Variants in UFC1 observed in about 807,000 individuals in gnomAD.
UFC1 encodes the protein ubiquitin-fold modifier conjugating enzyme 1, also known as ubiquitin-fold modifier-conjugating enzyme 1.
A neutral mutation model predicts 28.0 loss-of-function variants in UFC1; 22 were observed. That is an observed-to-expected ratio of 0.78 (90% CI 0.56 to 1.12). UFC1 has a LOEUF of 1.12. UFC1 is among the 50% of genes most tolerant of loss of function. The probability of loss-of-function intolerance (pLI) is 0.00; values close to 1 mark genes in which losing one functional copy is unlikely to be tolerated. For missense variants in UFC1, 189 were observed against 207.8 expected, an observed-to-expected ratio of 0.91 and a Z score of 0.56; for synonymous variants, 61 against 74.5, an observed-to-expected ratio of 0.82 and a Z score of 0.93.
chr1:161,158,269 C>A (rs1404069882), intron 5 of UFC1, 58 bp downstream of exon 5: 1 of 1,586,198 alleles, frequency 6.3e-7, no homozygotes, highest in African/African-American at 1.3e-5. Flanking sequence ...CTGAGCAGTA[C>A]AAGAAAAGCA....
intron 4 of UFC1, 33 bp downstream of exon 4, chr1:161,157,726 A>C (rs766265022): frequency 1.3e-6 from 2 of 1,592,972 alleles, no homozygotes; most frequent in East Asian, 4.5e-5. Context: ...AAAGAGTCAA[A>C]GAAAGCCTTA....
intron 3 of UFC1, 147 bp downstream of exon 3, chr1:161,157,464 T>C (rs1273725408): frequency 4.7e-6 from 6 of 1,277,366 alleles, no homozygotes; most frequent in Non-Finnish European, 6.7e-6. Flanking sequence ...ATAAGTTATA[T>C]TTACTCATCT....
chr1:161,158,504 A>G lies in UFC1; in HGVS notation c.*12A>G, dbSNP rs754709289. On this transcript the variant is annotated 3_prime_UTR_variant, in exon 6 of 6. Transcript: ENST00000368003. ...AATGCAACCAATGAAGAATCAAGCC[A>G]CTGAGGCAGGGCAGAGGGACCTTTG... is the stretch of plus-strand genomic sequence containing the variant. The G allele has an allele frequency of 1.9e-6, 3 of 1,614,012 alleles. No individual in the cohort carries two copies. The highest frequency in any genetic ancestry group is 8.5e-7 in the Non-Finnish European group (1 of 1,179,986).
Position 161,158,585 on chromosome 1 carries a change from C to G in UFC1, c.*93C>G. 2.2e-6 allele frequency: 3 copies of G among 1,356,336 alleles called. No individual in the cohort carries two copies. The highest frequency in any genetic ancestry group is 3.1e-6 in the Non-Finnish European group (3 of 957,928). 84.0% of individuals were successfully genotyped at this position (1,356,336 alleles called of 1,614,324 possible). ...ACACTTAACTCATCTAACTGCTTCC[C>G]CGGACACCCTCCACCTCTAGTTGTT... On this transcript the variant is annotated 3_prime_UTR_variant, in exon 6 of 6. Coordinates refer to ENST00000368003, the MANE Select transcript of UFC1 (RefSeq NM_016406.4).
chr1:161,156,536 CAAA>C (rs754220776), intron 1 of UFC1, among the ~76,000 whole-genome samples: 10 of 49,794 alleles, frequency 2.0e-4, no homozygotes, highest in African/African-American at 3.1e-4. Flanking sequence ...GAGACTGTCT[CAAA>C]AAAAAAAAAA....
At chr1:161,157,426 G>A in intron 3 of UFC1, 109 bp downstream of exon 3, 1 of 1,471,290 alleles carries the variant, frequency 6.8e-7, no homozygotes, top group African/African-American at 1.4e-5. Context: ...TTAAAAATGG[G>A]AGAGAAAAGC....
rs771079595 is a variant in UFC1, at chr1:161,158,147, A to G, written c.359A>G (p.His120Arg). The G allele has an allele frequency of 1.2e-6, 2 of 1,614,092 alleles. No homozygotes were observed. The highest frequency in any genetic ancestry group is 2.7e-5 in the African/African-American group (2 of 74,922). The change falls in exon 5 of 6, where the codon CAT becomes CGT. Residue 120 changes from histidine (H) to arginine (R), a missense_variant. Coordinates refer to ENST00000368003, the MANE Select transcript of UFC1 (RefSeq NM_016406.4). ...YRGGKICLTD[H>R]FKPLWARNVP... ...GGTGGCAAAATATGCCTGACGGATC[A>G]TTTCAAACCTTTGTGGGCCAGGAAT...
Position 161,158,108 on chromosome 1 carries a change from G to A in UFC1, c.333-13G>A. ...CTTTGCATGTCAACACCTTCTTCAT[G>A]TCCCTCTCATAGGGGTGGCAAAATA... On this transcript the variant is annotated splice_polypyrimidine_tract_variant and intron_variant, in intron 4 of 5. Transcript: ENST00000368003. 1 of 1,612,836 alleles carries A rather than the reference G, an allele frequency of 6.2e-7. No individual in the cohort carries two copies. The highest frequency in any genetic ancestry group is 8.5e-7 in the Non-Finnish European group (1 of 1,178,908).
intron 4 of UFC1, chr1:161,157,905 GAAAAA>G: frequency 3.7e-6 from 2 of 535,716 alleles, no homozygotes; most frequent in Non-Finnish European, 3.3e-6. Flanking sequence ...AAGATGTAAG[GAAAAA>G]AAAAAAAAGG....
In UFC1 at chr1:161,154,128, G is replaced by A; in HGVS notation, c.123+8G>A. 6.2e-7 allele frequency: 1 copy of A among 1,614,026 alleles called. No individual in the cohort carries two copies. ...TATCAGTCCCTTATCCGGGTTAGTT[G>A]TGTTTCTACAGTCTAACGCGTAGCA... is the stretch of plus-strand genomic sequence containing the variant. On this transcript the variant is annotated splice_region_variant and intron_variant, in intron 1 of 5. Transcript: ENST00000368003.
rs1046904747 is a variant in UFC1 at position 161,158,795 on chromosome 1, A to G, written c.*303A>G. 1 of 390,360 alleles carries G rather than the reference A, an allele frequency of 2.6e-6. No individual in the cohort carries two copies. The highest frequency in any genetic ancestry group is 4.8e-6 in the Non-Finnish European group (1 of 206,526). 24.2% of individuals were successfully genotyped at this position (390,360 alleles called of 1,614,324 possible). A position where few individuals can be genotyped will look rare whatever the true frequency, so the allele number is the denominator to read the frequency against. The stretch of plus-strand genomic sequence containing the variant: ...GGAGGCACGGGGGTAACTGAAAGTG[A>G]GTACATATAGTCTTTCTGGTTTCTG... On this transcript the variant is annotated 3_prime_UTR_variant, in exon 6 of 6. Coordinates refer to ENST00000368003, the MANE Select transcript of UFC1 (RefSeq NM_016406.4).
At chr1:161,154,374 C>T (rs1054676877) in intron 1 of UFC1, among the ~76,000 whole-genome samples, 1 of 152,162 alleles carries the variant, frequency 6.6e-6, no homozygotes, top group Non-Finnish European at 1.5e-5. Context: ...TACGCTTCCC[C>T]AGAAGGTGAC....
chr1:161,156,236 T>C (rs1006284024), intron 1 of UFC1, among the ~76,000 whole-genome samples: 3 of 152,000 alleles, frequency 2.0e-5, no homozygotes, highest in African/African-American at 7.3e-5. Flanking sequence ...GGTAAACATA[T>C]TAAGAAAAAG....
At chr1:161,158,048 T>C in intron 4 of UFC1, 73 bp from the exon 5 acceptor site, 1 of 1,314,202 alleles carries the variant, frequency 7.6e-7, no homozygotes, top group East Asian at 2.3e-5. Context: ...GTAGTCTTCC[T>C]ATGCCCCCAA....
In UFC1 at chr1:161,158,661, A is replaced by G; in HGVS notation, c.*169A>G. 1.5e-6 allele frequency: 1 copy of G among 679,034 alleles called. No individual in the cohort carries two copies. The highest frequency in any genetic ancestry group is 2.6e-6 in the Non-Finnish European group (1 of 385,210). 42.1% of individuals were successfully genotyped at this position (679,034 alleles called of 1,614,324 possible). On this transcript the variant is annotated 3_prime_UTR_variant, in exon 6 of 6. Coordinates refer to ENST00000368003, the MANE Select transcript of UFC1 (RefSeq NM_016406.4). ...TGGGGAAGAAACAAACACACACCAA[A>G]CAGTACTGCTACTTAGTTTCTAAGG...
Position 161,158,117 on chromosome 1 carries a change from A to T in UFC1, c.333-4A>T. 1 of 1,614,000 alleles carries T rather than the reference A, an allele frequency of 6.2e-7. No individual in the cohort carries two copies. The highest frequency in any genetic ancestry group is 1.3e-5 in the African/African-American group (1 of 75,018). The stretch of plus-strand genomic sequence containing the variant: ...TCAACACCTTCTTCATGTCCCTCTC[A>T]TAGGGGTGGCAAAATATGCCTGACG... On this transcript the variant is annotated splice_region_variant and splice_polypyrimidine_tract_variant and intron_variant, in intron 4 of 5. Coordinates refer to ENST00000368003, the MANE Select transcript of UFC1 (RefSeq NM_016406.4).
intron 1 of UFC1, 116 bp from the exon 2 acceptor site, chr1:161,156,834 T>C: frequency 1.1e-6 from 1 of 926,406 alleles, no homozygotes; most frequent in Non-Finnish European, 1.6e-6. Context: ...GGGAGCGAGA[T>C]TCCATCTCAA....
In UFC1 at chr1:161,154,057, C is replaced by G; in HGVS notation, c.60C>G (p.Ala20=). 1 of 1,614,078 alleles carries G rather than the reference C, an allele frequency of 6.2e-7. No homozygotes were observed. The highest frequency in any genetic ancestry group is 8.5e-7 in the Non-Finnish European group (1 of 1,180,032). The change falls in exon 1 of 6, where the codon GCC becomes GCG. Residue 20 remains alanine (A), a synonymous_variant. Coordinates refer to ENST00000368003, the MANE Select transcript of UFC1 (RefSeq NM_016406.4). The part of the protein sequence containing the change: ...VSEIPVLKTN[A]GPRDRELWVQ... The stretch of plus-strand genomic sequence containing the variant: ...AGATCCCGGTGCTGAAGACTAACGC[C>G]GGACCCCGAGATCGTGAGTTGTGGG...
intron 1 of UFC1, among the ~76,000 whole-genome samples, chr1:161,154,918 G>C (rs1180456082): frequency 6.6e-6 from 1 of 152,106 alleles, no homozygotes; most frequent in African/African-American, 2.4e-5. Context: ...TGGAAGGTGA[G>C]AAAAGTTTGT....
Sources: gnomAD v4.1 joint callset for allele counts (sites outside exome capture counted in the v4.1 genomes callset) on GRCh38, gnomAD v4.1.1 for gene constraint, MANE v1.5 for transcripts, NCBI Gene and HGNC (gene_info 2026-07-23, HGNC 2026-07-21) for gene names.